RPS6KB2: variants seen among roughly 807,000 people sequenced by gnomAD.
RPS6KB2 encodes the protein ribosomal protein S6 kinase B2.
Under a neutral mutation model 58.2 loss-of-function variants are expected in RPS6KB2, and 51 were observed. The ratio of observed to expected loss-of-function variants is 0.88; its 90% CI spans 0.70 to 1.11. RPS6KB2 has a LOEUF of 1.11. RPS6KB2 is among the 50% of genes least tolerant of loss of function. The probability of loss-of-function intolerance (pLI) is 0.00; values close to 1 mark genes in which losing one functional copy is unlikely to be tolerated. For missense variants in RPS6KB2, 671 were observed against 655.8 expected, an observed-to-expected ratio of 1.02 and a Z score of -0.25; for synonymous variants, 293 against 258.6, an observed-to-expected ratio of 1.13 and a Z score of -1.28.
intron 5 of RPS6KB2, 33 bp from the exon 6 acceptor site, chr11:67,432,567 C>T (rs371211045): frequency 5.6e-6 from 9 of 1,612,906 alleles, no homozygotes; most frequent in Non-Finnish European, 7.6e-6. Context: ...GGCTTGGACC[C>T]AGCACGTGGC....
chr11:67,435,345 C>T lies in RPS6KB2; in HGVS notation c.*176C>T, dbSNP rs960625592. On this transcript the variant is annotated 3_prime_UTR_variant, in exon 15 of 15. Transcript: ENST00000312629. ...CCCCTGAATCATGGGCACGGAGGGCCGCCCGCCACGCCCCGCGCTCAACTG... is the reference window on the plus strand; with the variant it reads ...CCCCTGAATCATGGGCACGGAGGGCTGCCCGCCACGCCCCGCGCTCAACTG... The T allele has an allele frequency of 6.1e-6, 4 of 657,766 alleles. No homozygotes were observed. The highest frequency in any genetic ancestry group is 5.5e-5 in the African/African-American group (3 of 54,606). 40.7% of individuals were successfully genotyped at this position (657,766 alleles called of 1,614,324 possible). A position where few individuals can be genotyped will look rare whatever the true frequency, so the allele number is the denominator to read the frequency against.
At chr11:67,430,110 C>G (rs74889762) in intron 4 of RPS6KB2, 3 of 141,236 alleles carry the variant, frequency 2.1e-5, no homozygotes, top group African/African-American at 7.9e-5. Context: ...CCGTCCCTAG[C>G]TTTTTTTTTT....
Position 67,435,039 on chromosome 11 carries a change from C to A in RPS6KB2, c.1319C>A (p.Pro440Gln). The change falls in exon 15 of 15, where the codon CCG (proline) becomes CAG (glutamine). Residue 440 changes from proline (P) to glutamine (Q), a missense_variant. Physicochemically the swap from Pro to Gln is moderately conservative, Grantham distance 76. Transcript: ENST00000312629. ...GGGTTTCGGCCCAGCCCCAGCCTGC[C>A]GGAGCCCACGGAGCTACCTCTACCT... Reference protein sequence around the residue: ...FEGFRPSPSLPEPTELPLPPL... With the variant: ...FEGFRPSPSLQEPTELPLPPL... 2 of 1,613,126 alleles carry A rather than the reference C, an allele frequency of 1.2e-6. No individual in the cohort carries two copies.
intron 13 of RPS6KB2, 42 bp downstream of exon 13, chr11:67,434,526 T>A: frequency 1.2e-6 from 2 of 1,601,152 alleles, no homozygotes; most frequent in Non-Finnish European, 1.7e-6. Context: ...AGGGCACGGA[T>A]CGTGACTAAG....
intron 14 of RPS6KB2, 68 bp downstream of exon 14, chr11:67,434,762 T>C (rs1049279156): frequency 6.7e-5 from 86 of 1,283,442 alleles, no homozygotes; most frequent in Non-Finnish European, 8.4e-5. Flanking sequence ...AGCTCCAGCC[T>C]TGGGTGCCTT....
intron 5 of RPS6KB2, chr11:67,432,397 T>TC (rs769051753): frequency 1.4e-6 from 1 of 701,340 alleles, no homozygotes; most frequent in South Asian, 1.5e-5. Context: ...CTTCATCCTG[T>TC]CCCCAGCTTC....
In RPS6KB2 at chr11:67,434,485, G is replaced by T. The variant is rs746428651; in HGVS notation, c.1155+1G>T. 2.5e-6 allele frequency: 4 copies of T among 1,610,648 alleles called. No individual in the cohort carries two copies. In the East Asian group the frequency reaches 8.9e-5, roughly 36 times the overall value. ...CGAGAGTGCCAACCAGGCCTTCCTG[G>T]TGAGTGCGGGGGCCTGAGGCCTGTG... is the stretch of plus-strand genomic sequence containing the variant. On this transcript the variant is annotated splice_donor_variant, in intron 13 of 14. Coordinates refer to ENST00000312629, the MANE Select transcript of RPS6KB2 (RefSeq NM_003952.3). LOFTEE classifies it high-confidence loss of function.
At chr11:67,433,540 C>A in intron 10 of RPS6KB2, 93 bp downstream of exon 10, 1 of 948,170 alleles carries the variant, frequency 1.1e-6, no homozygotes, top group Non-Finnish European at 1.7e-6. Context: ...AGGGCCACCC[C>A]GGCCTGTGCA....
At chr11:67,431,838 G>C in intron 5 of RPS6KB2, 1 of 320,352 alleles carries the variant, frequency 3.1e-6, no homozygotes, top group Non-Finnish European at 6.0e-6. Context: ...CGTGTGCCCT[G>C]CATCCTGTCA....
intron 4 of RPS6KB2, chr11:67,430,318 T>G (rs1302648565): frequency 6.6e-6 from 1 of 152,120 alleles, no homozygotes; most frequent in Non-Finnish European, 1.5e-5. Context: ...AGACGGAGTC[T>G]CACTCTGTCA....
chr11:67,428,560 T>G lies in RPS6KB2; in HGVS notation c.15T>G (p.Phe5Leu), dbSNP rs1462251457. 1 of 1,610,506 alleles carries G rather than the reference T, an allele frequency of 6.2e-7. No homozygotes were observed. Reference protein sequence around the residue: MAAVFDLDLETEEGS... With the variant: MAAVLDLDLETEEGS... ...CCGGCGCCGCCATGGCGGCCGTGTT[T>G]GATTTGGATTTGGAGACGGAGGAAG... is the stretch of plus-strand genomic sequence containing the variant. The change falls in exon 1 of 15, where the codon TTT (phenylalanine) becomes TTG (leucine). Residue 5 changes from phenylalanine (F) to leucine (L), a missense_variant. Coordinates refer to ENST00000312629, the MANE Select transcript of RPS6KB2 (RefSeq NM_003952.3).
chr11:67,433,921 C>T (rs1864139703), intron 10 of RPS6KB2, 74 bp from the exon 11 acceptor site: 1 of 1,545,300 alleles, frequency 6.5e-7, no homozygotes, highest in South Asian at 1.1e-5. Flanking sequence ...GACCCCTACT[C>T]CAGCTAGCCC....
chr11:67,429,918 ATTCTCGTGCC>A (rs1863968704), intron 4 of RPS6KB2: 2 of 243,652 alleles, frequency 8.2e-6, no homozygotes, highest in East Asian at 1.1e-4. Context: ...GGTTCAAGCG[ATTCTCGTGCC>A]TTAGACTCCG....
Position 67,428,521 on chromosome 11 carries a change from A to C in RPS6KB2, c.-25A>C. 6.3e-7 allele frequency: 1 copy of C among 1,593,474 alleles called. No homozygotes were observed. Among genetic ancestry groups the C allele is most frequent in the South Asian group, 1.1e-5 (1 of 89,278 alleles). On this transcript the variant is annotated 5_prime_UTR_variant, in exon 1 of 15. Transcript: ENST00000312629. Reference sequence around the variant, plus strand: ...TCAGTGCGCGGCCAGGTACGGGCCGACGGGCCCGCGGGGCCGGCGCCGCCA... The same window carrying C: ...TCAGTGCGCGGCCAGGTACGGGCCGCCGGGCCCGCGGGGCCGGCGCCGCCA...
chr11:67,432,044 C>T (rs543123411), intron 5 of RPS6KB2: 22 of 327,084 alleles, frequency 6.7e-5, no homozygotes, highest in Non-Finnish European at 1.1e-4. Flanking sequence ...CAGAGTCCTG[C>T]GGCTGGCTGC....
chr11:67,431,521 A>C lies in RPS6KB2; in HGVS notation c.457+6A>C. Reference sequence around the variant, plus strand: ...CATCCTTGAGTGCCTCAGTGGTATGAGTGCGGGCCCAGGCAGGGGTGCTGG... The same window carrying C: ...CATCCTTGAGTGCCTCAGTGGTATGCGTGCGGGCCCAGGCAGGGGTGCTGG... On this transcript the variant is annotated splice_donor_region_variant and intron_variant, in intron 5 of 14. Transcript: ENST00000312629. 6.2e-7 allele frequency: 1 copy of C among 1,612,792 alleles called. No homozygotes were observed. Among genetic ancestry groups the C allele is most frequent in the South Asian group, 1.1e-5 (1 of 91,020 alleles).
chr11:67,434,877 G>A, intron 14 of RPS6KB2, 112 bp from the exon 15 acceptor site: 1 of 1,144,504 alleles, frequency 8.7e-7, no homozygotes, highest in Non-Finnish European at 1.3e-6. Context: ...AGTTTGTGGA[G>A]CCCGCGGCCT....
At chr11:67,428,897 C>T (rs1429609371) in intron 1 of RPS6KB2, 85 bp from the exon 2 acceptor site, 3 of 1,522,042 alleles carry the variant, frequency 2.0e-6, no homozygotes, top group East Asian at 2.3e-5. Context: ...ACACCCTTCT[C>T]TCCTGGGCCA....
In RPS6KB2 at chr11:67,433,269, C is replaced by T. The variant is rs1052637463; in HGVS notation, c.798+53C>T. ...GGGCAGGGGCAGAGGTGGGAGTAGC[C>T]CCCCTCCTGGGGCAAGGGCAGGGCC... On this transcript the variant is annotated intron_variant, in intron 9 of 14. Coordinates refer to ENST00000312629, the MANE Select transcript of RPS6KB2 (RefSeq NM_003952.3). 6.2e-6 allele frequency: 10 copies of T among 1,605,218 alleles called. No individual in the cohort carries two copies. In the South Asian group the frequency reaches 1.1e-4, roughly 18 times the overall value.
Sources: gnomAD v4.1 joint callset for allele counts on GRCh38, gnomAD v4.1.1 for gene constraint, MANE v1.5 for transcripts, NCBI Gene and HGNC (gene_info 2026-07-23, HGNC 2026-07-21) for gene names.